Variants in RAP1GAP2 observed in about 807,000 individuals in gnomAD.
RAP1GAP2 encodes the protein RAP1 GTPase activating protein 2.
RAP1GAP2 carries 27 observed loss-of-function variants against 95.0 expected under a neutral mutation model. That is an observed-to-expected ratio of 0.28 (90% confidence interval 0.21 to 0.39). The LOEUF (loss-of-function observed/expected upper bound fraction) is 0.39, where lower values mean the gene tolerates loss of function less well. Ranked by LOEUF, RAP1GAP2 falls within the 10% of genes least tolerant of loss-of-function variation. The probability of loss-of-function intolerance (pLI) is 1.00; values close to 1 mark genes in which losing one functional copy is unlikely to be tolerated. For missense variants in RAP1GAP2, 771 were observed against 970.0 expected (o/e 0.79, Z 2.72); for synonymous variants, 373 against 380.9 (o/e 0.98, Z 0.24).
At chr17:2,808,178 G>C (rs560026385) in intron 2 of RAP1GAP2, among the ~76,000 whole-genome samples, 1 of 152,234 alleles carries the variant, frequency 6.6e-6, no homozygotes, top group South Asian at 2.1e-4. Flanking sequence ...GTGTGACAAG[G>C]ACCCCGTTTT....
chr17:2,838,016 C>CTTTTTTTTT lies in RAP1GAP2; in HGVS notation c.80+37478_80+37486dup, dbSNP rs71153304. Among the ~76,000 whole-genome samples, 2 of 94,450 alleles carry CTTTTTTTTT rather than the reference C, an allele frequency of 2.1e-5. 1 individual carries two copies. Among genetic ancestry groups the CTTTTTTTTT allele is most frequent in the African/African-American group, 8.8e-5 (2 of 22,742 alleles). 62.0% of individuals were successfully genotyped at this position (94,450 alleles called of 152,430 possible). A position where few individuals can be genotyped will look rare whatever the true frequency, so the allele number is the denominator to read the frequency against. On this transcript the variant is annotated intron_variant, in intron 2 of 24. Coordinates refer to ENST00000254695, the MANE Select transcript of RAP1GAP2 (RefSeq NM_015085.5). ...TGATGTTCATGTTCTTTCTTTTTTC[C>CTTTTTTTTT]TTTTTTTTTTTTTTTTTTTTGAGAC...
chr17:3,026,449 G>A lies in RAP1GAP2; in HGVS notation c.1965G>A (p.Glu655=), dbSNP rs535243979. Residue 655 remains glutamate (E), a synonymous_variant, in exon 21 of 25, where the codon GAG becomes GAA. Transcript: ENST00000254695. The part of the protein sequence containing the change: ...SSTAGEGEAM[E]EGDSGGSQPS... ...CTGCAGGGGAGGGCGAGGCCATGGA[G>A]GAGGGCGACAGTGGGGTAGGTGTGC... The A allele has an allele frequency of 9.0e-6, 14 of 1,551,056 alleles. No individual in the cohort carries two copies. In the South Asian group the frequency reaches 1.4e-4, roughly 16 times the overall value.
rs753879608 is a variant in RAP1GAP2, at chr17:2,825,636, G to A, written c.80+25086G>A. Among the ~76,000 whole-genome samples the A allele has an allele frequency of 2.0e-5, 3 of 152,066 alleles. No individual in the cohort carries two copies. Among genetic ancestry groups the A allele is most frequent in the African/African-American group, 7.2e-5 (3 of 41,434 alleles). On this transcript the variant is annotated intron_variant, in intron 2 of 24. Transcript: ENST00000254695. This position sits in a 1 kb window ranked among gnomAD's most constrained non-coding sequence, Gnocchi z 4.1. ...CATCCGGAAAGTGAAGATAAGGAGC[G>A]TCCCTGTCTCACAGGGATGTTTGAG...
chr17:2,829,401 G>C (rs2070734823), intron 2 of RAP1GAP2, among the ~76,000 whole-genome samples: 2 of 152,018 alleles, frequency 1.3e-5, no homozygotes, highest in South Asian at 4.1e-4. Flanking sequence ...TCTCCATAAA[G>C]GGCTGGGGCT....
chr17:2,780,450 G>T (rs563545995), intron 1 of RAP1GAP2, among the ~76,000 whole-genome samples: 1 of 152,238 alleles, frequency 6.6e-6, no homozygotes, highest in Admixed American at 6.5e-5. Context: ...TTCCTGTTAT[G>T]AGCGGCGATT....
intron 2 of RAP1GAP2, among the ~76,000 whole-genome samples, chr17:2,806,750 C>G (rs2069539300): frequency 6.6e-6 from 1 of 150,702 alleles, no homozygotes; most frequent in Non-Finnish European, 1.5e-5. Context: ...GTCTCACTCT[C>G]TCTCAGGCTG....
chr17:2,772,422 G>A (rs1367824627), upstream of RAP1GAP2, among the ~76,000 whole-genome samples: 1 of 152,052 alleles, frequency 6.6e-6, no homozygotes, highest in African/African-American at 2.4e-5. Context: ...GAGTAGCTGG[G>A]ACTATAGGCA....
chr17:2,756,742 C>A (rs1371820073), intron 1 of RAP1GAP2, among the ~76,000 whole-genome samples: 3 of 152,124 alleles, frequency 2.0e-5, no homozygotes, highest in Non-Finnish European at 4.4e-5. Flanking sequence ...GTGGGCTTCC[C>A]CAGCACCTCC....
chr17:2,849,612 G>A (rs1296862156), intron 2 of RAP1GAP2, among the ~76,000 whole-genome samples: 1 of 152,192 alleles, frequency 6.6e-6, no homozygotes, highest in Non-Finnish European at 1.5e-5. Context: ...TCCCACCCAG[G>A]CCCCCTCAGC....
At chr17:2,806,517 C>A (rs948863054) in intron 2 of RAP1GAP2, among the ~76,000 whole-genome samples, 1 of 149,794 alleles carries the variant, frequency 6.7e-6, no homozygotes, top group African/African-American at 2.5e-5. Context: ...CTCAGCCTCC[C>A]GAGTAGCTGG....
In RAP1GAP2 at chr17:2,866,094, C is replaced by G. The variant is rs187315132; in HGVS notation, c.81-39190C>G. ...CCCTGGAGGTCAGAAGAAAGGGGGA[C>G]CGCCCAAGGAAGGCTGCCTGGAGTT... On this transcript the variant is annotated intron_variant, in intron 2 of 24. Coordinates refer to ENST00000254695, the MANE Select transcript of RAP1GAP2 (RefSeq NM_015085.5). This position sits in a 1 kb window ranked among gnomAD's most constrained non-coding sequence, Gnocchi z 4.0. 9.8e-5 allele frequency among the ~76,000 whole-genome samples: 15 copies of G among 152,310 alleles called. No individual in the cohort carries two copies. Among genetic ancestry groups the G allele is most frequent in the Non-Finnish European group, 1.9e-4 (13 of 68,020 alleles).
intron 2 of RAP1GAP2, among the ~76,000 whole-genome samples, chr17:2,890,674 G>A (rs577783686): frequency 6.7e-6 from 1 of 149,942 alleles, no homozygotes; most frequent in Admixed American, 6.8e-5. Context: ...CAATTCAATG[G>A]TCAGTGTTTA....
rs1404243180 is a variant in RAP1GAP2 at position 3,029,884 on chromosome 17, C to T, written c.2108-1038C>T. Among the ~76,000 whole-genome samples, 1 of 151,862 alleles carries T rather than the reference C, an allele frequency of 6.6e-6. No individual in the cohort carries two copies. Among genetic ancestry groups the T allele is most frequent in the Non-Finnish European group, 1.5e-5 (1 of 68,014 alleles). On this transcript the variant is annotated intron_variant, in intron 22 of 24. Coordinates refer to ENST00000254695, the MANE Select transcript of RAP1GAP2 (RefSeq NM_015085.5). The surrounding 1 kb of genome is among the most constrained non-coding windows in gnomAD (Gnocchi z 4.4). ...CTAGATAATATTCTTTACCATAAGT[C>T]CCATATGTCCAACTGATTCTCACAG...
At chr17:2,988,203 C>T (rs1235113113) in intron 11 of RAP1GAP2, among the ~76,000 whole-genome samples, 1 of 127,678 alleles carries the variant, frequency 7.8e-6, no homozygotes, top group African/African-American at 3.5e-5. Flanking sequence ...AGCGAAACTC[C>T]ATCTCAAAAA....
At chr17:2,770,936 G>A (rs1205117170) in intron 2 of RAP1GAP2, among the ~76,000 whole-genome samples, 1 of 152,108 alleles carries the variant, frequency 6.6e-6, no homozygotes, top group Non-Finnish European at 1.5e-5. Context: ...AGCTACTCGG[G>A]ATTGAGTAGC....
Position 2,984,971 on chromosome 17 carries a change from C to T in RAP1GAP2, c.730-12C>T, listed in dbSNP as rs1196971057. 1.9e-6 allele frequency: 3 copies of T among 1,596,138 alleles called. No individual in the cohort carries two copies. The highest frequency in any genetic ancestry group is 2.7e-5 in the African/African-American group (2 of 73,552). Reference sequence around the variant, plus strand: ...CAAATGTTGATTTTTTTTTTCTTGCCACATTTTCCAGGCCTCCCAAATGAT... The same window carrying T: ...CAAATGTTGATTTTTTTTTTCTTGCTACATTTTCCAGGCCTCCCAAATGAT... On this transcript the variant is annotated splice_polypyrimidine_tract_variant and intron_variant, in intron 10 of 24. Coordinates refer to ENST00000254695, the MANE Select transcript of RAP1GAP2 (RefSeq NM_015085.5).
chr17:2,911,097 CT>C (rs2151744123), intron 3 of RAP1GAP2, among the ~76,000 whole-genome samples: 1 of 152,284 alleles, frequency 6.6e-6, no homozygotes, highest in African/African-American at 2.4e-5. Context: ...GGGACGGCCT[CT>C]TGTGGCTCTC....
intron 3 of RAP1GAP2, among the ~76,000 whole-genome samples, chr17:2,946,655 C>T (rs1215247301): frequency 6.6e-6 from 1 of 152,208 alleles, no homozygotes; most frequent in Non-Finnish European, 1.5e-5. Context: ...CAGCAGCATT[C>T]AACATGATGA....
upstream of RAP1GAP2, among the ~76,000 whole-genome samples, chr17:2,775,352 A>C (rs2068476183): frequency 6.6e-6 from 1 of 152,110 alleles, no homozygotes; most frequent in Non-Finnish European, 1.5e-5. Flanking sequence ...CGAGATCATG[A>C]GCAGCCAGTG....
Sources: allele counts gnomAD v4.1 joint callset (sites outside exome capture counted in the v4.1 genomes callset), GRCh38; gene constraint gnomAD v4.1.1; non-coding constraint Gnocchi (gnomAD v3.1); transcripts MANE v1.5; gene names NCBI Gene and HGNC (gene_info 2026-07-23, HGNC 2026-07-21).